Variants in ABI3BP observed in about 807,000 individuals in gnomAD.
ABI3BP encodes the protein ABI family member 3 binding protein.
A neutral mutation model predicts 268.6 loss-of-function variants in ABI3BP; 216 were observed. The observed-to-expected ratio is 0.80, with a 90% CI of 0.72 to 0.90. ABI3BP has a LOEUF of 0.90. Among genes scored for constraint, ABI3BP ranks in the 40% least tolerant of loss-of-function variants. The pLI is 0.00. For missense variants in ABI3BP, 2,090 were observed against 2,182.4 expected, an observed-to-expected ratio of 0.96 and a Z score of 0.84; for synonymous variants, 730 against 730.0, an observed-to-expected ratio of 1.00 and a Z score of 0.00.
chr3:100,991,771 C>T (rs2092966191), intron 1 of ABI3BP, among the ~76,000 whole-genome samples: 1 of 151,950 alleles, frequency 6.6e-6, no homozygotes, highest in Non-Finnish European at 1.5e-5. Context: ...TTTTCGACAA[C>T]TATGTTTTTT....
At chr3:100,770,973 G>T in intron 61 of ABI3BP, 21 bp from the exon 62 acceptor site, 1 of 1,486,830 alleles carries the variant, frequency 6.7e-7, no homozygotes, top group South Asian at 1.4e-5. Context: ...GAGGACCCTT[G>T]ACATTTAACA....
intron 14 of ABI3BP, among the ~76,000 whole-genome samples, chr3:100,859,515 A>G (rs915353952): frequency 6.6e-6 from 1 of 152,186 alleles, no homozygotes; most frequent in Non-Finnish European, 1.5e-5. Flanking sequence ...CTGTGTGAGT[A>G]ATTGGAAAAT....
intron 2 of ABI3BP, among the ~76,000 whole-genome samples, chr3:100,923,566 CA>C (rs1391248540): frequency 6.6e-6 from 1 of 152,050 alleles, no homozygotes; most frequent in African/African-American, 2.4e-5. Flanking sequence ...AAAACCCAAC[CA>C]ACAAACACTG....
rs1238426499 is a variant in ABI3BP at position 100,838,435 on chromosome 3, T to C, written c.1975A>G (p.Thr659Ala). The C allele has an allele frequency of 1.3e-6, 2 of 1,535,738 alleles. No individual in the cohort carries two copies. The highest frequency in any genetic ancestry group is 2.0e-5 in the Admixed American group (1 of 50,970). ...ATTTGAGGTGCATCTGGTCTGTGTG[T>C]GGTTTTAGGTCTCTCAGATGGTTTT... is the stretch of plus-strand genomic sequence containing the variant. Reference protein sequence around the residue: ...ASKPSERPKTTHRPDAPQIQP... With the variant: ...ASKPSERPKTAHRPDAPQIQP... Residue 659 changes from threonine to alanine, a missense_variant, in exon 25 of 68, where the codon ACA (threonine) becomes GCA (alanine). Thr to Ala is a moderately conservative substitution (Grantham distance 58). Coordinates refer to ENST00000471714, the MANE Select transcript of ABI3BP (RefSeq NM_001375547.2).
intron 57 of ABI3BP, among the ~76,000 whole-genome samples, chr3:100,786,068 C>A (rs2097032652): frequency 6.6e-6 from 1 of 152,138 alleles, no homozygotes; most frequent in Non-Finnish European, 1.5e-5. Context: ...CTGGTTGAAG[C>A]TTACTCTGAG....
intron 50 of ABI3BP, among the ~76,000 whole-genome samples, chr3:100,806,937 C>G (rs1407698202): frequency 6.6e-6 from 1 of 152,056 alleles, no homozygotes; most frequent in Non-Finnish European, 1.5e-5. Context: ...CAAAGTACAG[C>G]TCAAAAAGAT....
At chr3:100,814,980 G>A (rs2097981766) in intron 44 of ABI3BP, among the ~76,000 whole-genome samples, 1 of 152,114 alleles carries the variant, frequency 6.6e-6, no homozygotes, top group South Asian at 2.1e-4. Context: ...TGATATTCAA[G>A]CTTATTGTCA....
At chr3:100,780,353 T>C (rs993506088) in intron 57 of ABI3BP, 144 bp from the exon 58 acceptor site, 1 of 658,136 alleles carries the variant, frequency 1.5e-6, no homozygotes, top group Admixed American at 3.4e-5. Context: ...GGGCTTCTAC[T>C]ATCTGGCTAT....
intron 4 of ABI3BP, among the ~76,000 whole-genome samples, chr3:100,894,079 C>T (rs1314373774): frequency 2.0e-5 from 3 of 151,980 alleles, no homozygotes; most frequent in African/African-American, 7.3e-5. Context: ...TAAGGTGAGG[C>T]ATGCTTGGAT....
intron 51 of ABI3BP, among the ~76,000 whole-genome samples, chr3:100,801,441 G>GA: frequency 9.9e-6 from 1 of 101,056 alleles, no homozygotes; most frequent in South Asian, 2.9e-4. Context: ...AAAAAAAAAA[G>GA]AAAAGAAAAG....
At chr3:100,925,568 C>A (rs1369384024) in intron 2 of ABI3BP, among the ~76,000 whole-genome samples, 1 of 152,004 alleles carries the variant, frequency 6.6e-6, no homozygotes, top group Non-Finnish European at 1.5e-5. Flanking sequence ...GCGTGAGCTA[C>A]CGTGCCTGGT....
intron 2 of ABI3BP, among the ~76,000 whole-genome samples, chr3:100,925,462 G>C (rs926745516): frequency 3.3e-5 from 5 of 151,672 alleles, no homozygotes; most frequent in African/African-American, 1.2e-4. Context: ...GTGCAGGCTG[G>C]AGTGCAGTGA....
intron 1 of ABI3BP, among the ~76,000 whole-genome samples, chr3:100,991,484 T>G: frequency 6.6e-6 from 1 of 152,112 alleles, no homozygotes; most frequent in South Asian, 2.1e-4. Flanking sequence ...GATTCCCCCC[T>G]TAAAGACTCC....
At chr3:100,846,802 T>C (rs1327098005) in intron 19 of ABI3BP, among the ~76,000 whole-genome samples, 1 of 152,124 alleles carries the variant, frequency 6.6e-6, no homozygotes, top group Non-Finnish European at 1.5e-5. Flanking sequence ...CAATCTCATC[T>C]AAGTCTGAGC....
intron 34 of ABI3BP, among the ~76,000 whole-genome samples, chr3:100,826,850 T>G (rs1353840563): frequency 6.6e-6 from 1 of 152,094 alleles, no homozygotes; most frequent in African/African-American, 2.4e-5. Flanking sequence ...TTGATGCTCA[T>G]GAGAACAATG....
intron 1 of ABI3BP, 136 bp downstream of exon 1, chr3:100,993,170 A>T: frequency 1.7e-6 from 1 of 602,118 alleles, no homozygotes; most frequent in African/African-American, 1.9e-5. Flanking sequence ...AGACCCCTTC[A>T]CACATTTGAA....
chr3:100,850,489 A>T lies in ABI3BP; in HGVS notation c.1426+171T>A, dbSNP rs115654963. 4.3e-3 allele frequency among the ~76,000 whole-genome samples: 650 copies of T among 152,376 alleles called. 7 individuals are homozygous for T. Among genetic ancestry groups the T allele is most frequent in the African/African-American group, 0.015 (616 of 41,588 alleles). ...TCAAAAAAATAAAATAGAGCCCTAAATGGAACGTAAAAGATGACTGCATTT... is the reference window on the plus strand; with the variant it reads ...TCAAAAAAATAAAATAGAGCCCTAATTGGAACGTAAAAGATGACTGCATTT... On this transcript the variant is annotated intron_variant, in intron 16 of 67. Transcript: ENST00000471714.
intron 2 of ABI3BP, among the ~76,000 whole-genome samples, chr3:100,904,653 A>C (rs1256936231): frequency 6.6e-6 from 1 of 152,244 alleles, no homozygotes; most frequent in Non-Finnish European, 1.5e-5. Flanking sequence ...ATGGCACTTT[A>C]AGAAATATGA....
At chr3:100,848,152 A>G (rs1359740560) in intron 18 of ABI3BP, among the ~76,000 whole-genome samples, 1 of 152,174 alleles carries the variant, frequency 6.6e-6, no homozygotes, top group Non-Finnish European at 1.5e-5. Context: ...GTTATAATCT[A>G]TTTGAAAACC....
Sources: allele counts gnomAD v4.1 joint callset (sites outside exome capture counted in the v4.1 genomes callset), GRCh38; gene constraint gnomAD v4.1.1; transcripts MANE v1.5; gene names NCBI Gene and HGNC (gene_info 2026-07-23, HGNC 2026-07-21).